Variants in SETD5 observed in about 807,000 individuals in gnomAD.
The protein encoded by SETD5 is histone-lysine N-methyltransferase SETD5.
SETD5 carries 44 observed loss-of-function variants against 153.3 expected under a neutral mutation model. The ratio of observed to expected loss-of-function variants is 0.29; its 90% CI spans 0.23 to 0.37. The LOEUF (loss-of-function observed/expected upper bound fraction) is 0.37. SETD5 is among the 10% of genes least tolerant of loss of function. The pLI is 1.00. For missense variants in SETD5, 1,544 were observed against 1,768.0 expected, an observed-to-expected ratio of 0.87 and a Z score of 2.27; for synonymous variants, 716 against 645.2, an observed-to-expected ratio of 1.11 and a Z score of -1.66.
At chr3:9,426,563 T>C (rs372784682) in intron 2 of SETD5, among the ~76,000 whole-genome samples, 2 of 152,116 alleles carry the variant, frequency 1.3e-5, no homozygotes. Context: ...CAGCTAATTT[T>C]TGTGTTTTTA....
intron 17 of SETD5, among the ~76,000 whole-genome samples, chr3:9,457,028 A>G (rs1575530461): frequency 1.3e-5 from 2 of 150,124 alleles, no homozygotes; most frequent in African/African-American, 5.0e-5. Context: ...GAGAAAAGAA[A>G]AGAAGAAAGA....
intron 2 of SETD5, among the ~76,000 whole-genome samples, chr3:9,425,188 A>G (rs972630181): frequency 6.6e-6 from 1 of 150,848 alleles, no homozygotes; most frequent in African/African-American, 2.4e-5. Flanking sequence ...CAGCCTCCCA[A>G]GTAGCTGGGA....
Position 9,447,032 on chromosome 3 carries a change from A to G in SETD5, c.1525-18A>G, listed in dbSNP as rs747474943. ...CTCATTTGAAGCTTCCTTCTACACC[A>G]GTACTATCTCTTTCTAGACCAGGGA... On this transcript the variant is annotated intron_variant, in intron 13 of 22. Transcript: ENST00000402198. 2 of 1,589,592 alleles carry G rather than the reference A, an allele frequency of 1.3e-6. No individual in the cohort carries two copies. The highest frequency in any genetic ancestry group is 1.7e-6 in the Non-Finnish European group (2 of 1,168,154).
chr3:9,432,982 A>C (rs562231066), intron 3 of SETD5, among the ~76,000 whole-genome samples: 4 of 152,230 alleles, frequency 2.6e-5, no homozygotes, highest in Non-Finnish European at 5.9e-5. Context: ...TAGCTGTGTC[A>C]GTGTGTAACC....
At position 9,445,715 on chromosome 3, in the gene SETD5, A is replaced by C. The variant is rs749448832; in HGVS notation, c.1499A>C (p.Gln500Pro). 2.5e-6 allele frequency: 4 copies of C among 1,613,386 alleles called. No homozygotes were observed. The highest frequency in any genetic ancestry group is 4.5e-5 in the East Asian group (2 of 44,870). ...GAGAAAGAAGAGGTTATAGATGACC[A>C]GGAGAACCTAGCTCATAGCAGGAGG... ...EEEKEEVIDD[Q>P]ENLAHSRRTR... is the part of the protein sequence containing the mutation. Residue 500 changes from glutamine to proline, a missense_variant, in exon 13 of 23, where the codon CAG becomes CCG. Physicochemically the swap from Gln to Pro is moderately conservative, Grantham distance 76. Around this residue, in one of 9 missense-constraint regions of SETD5, gnomAD observed 782 missense variants for 787.2 expected, o/e 0.99. Coordinates refer to ENST00000402198, the MANE Select transcript of SETD5 (RefSeq NM_001080517.3).
intron 1 of SETD5, among the ~76,000 whole-genome samples, chr3:9,403,265 A>G (rs1386306639): frequency 6.6e-6 from 1 of 152,212 alleles, no homozygotes; most frequent in Non-Finnish European, 1.5e-5. Context: ...AAATAAAAAA[A>G]TAAATAAAGC....
At chr3:9,436,120 C>T (rs1378080232) in intron 7 of SETD5, among the ~76,000 whole-genome samples, 1 of 152,172 alleles carries the variant, frequency 6.6e-6, no homozygotes, top group Admixed American at 6.5e-5. Context: ...AAAGTTTCTT[C>T]TACTCCAGTC....
In SETD5 at chr3:9,434,399, C is replaced by T; in HGVS notation, c.243C>T (p.Ser81=). The change falls in exon 5 of 23, where the codon AGC becomes AGT. Residue 81 remains serine (S), a synonymous_variant. Coordinates refer to ENST00000402198, the MANE Select transcript of SETD5 (RefSeq NM_001080517.3). This position sits in a 1 kb window ranked among gnomAD's most constrained non-coding sequence, Gnocchi z 5.6. ...PSPVEERCGD[S]PNSEGETVPT... Reference sequence around the variant, plus strand: ...CTGTAGAGGAACGCTGTGGAGACAGCCCGAACTCTGAAGGAGAAACTGTAC... The same window carrying T: ...CTGTAGAGGAACGCTGTGGAGACAGTCCGAACTCTGAAGGAGAAACTGTAC... The T allele has an allele frequency of 6.2e-7, 1 of 1,613,948 alleles. No homozygotes were observed. Among genetic ancestry groups the T allele is most frequent in the Non-Finnish European group, 8.5e-7 (1 of 1,179,878 alleles).
intron 1 of SETD5, among the ~76,000 whole-genome samples, chr3:9,401,820 T>C (rs1309392171): frequency 6.6e-6 from 1 of 152,246 alleles, no homozygotes; most frequent in Non-Finnish European, 1.5e-5. Flanking sequence ...TTTATAAAAA[T>C]TGTATTTCAA....
chr3:9,476,094 C>T lies in SETD5; in HGVS notation c.*3C>T. 6.2e-7 allele frequency: 1 copy of T among 1,610,594 alleles called. No homozygotes were observed. The highest frequency in any genetic ancestry group is 2.2e-5 in the East Asian group (1 of 44,778). On this transcript the variant is annotated 3_prime_UTR_variant, in exon 23 of 23. Coordinates refer to ENST00000402198, the MANE Select transcript of SETD5 (RefSeq NM_001080517.3). ...AGACTCAGACGGGACTTTCCTAGGG[C>T]TTCTGGATTTGGGCAAACAGAACTG...
rs1466243674 is a variant in SETD5, at chr3:9,428,868, C to G, written c.-71C>G. ...TGTTGGATGAGGCTCTGCAGCTCACCCCCACTCTCAGAGTGGTCAGTCTCC... is the reference window on the plus strand; with the variant it reads ...TGTTGGATGAGGCTCTGCAGCTCACGCCCACTCTCAGAGTGGTCAGTCTCC... On this transcript the variant is annotated 5_prime_UTR_variant, in exon 3 of 23. Coordinates refer to ENST00000402198, the MANE Select transcript of SETD5 (RefSeq NM_001080517.3). 4 of 1,100,796 alleles carry G rather than the reference C, an allele frequency of 3.6e-6. No homozygotes were observed. The highest frequency in any genetic ancestry group is 5.4e-6 in the Non-Finnish European group (4 of 739,934). 68.2% of individuals were successfully genotyped at this position (1,100,796 alleles called of 1,614,324 possible).
chr3:9,439,222 T>C (rs2596937), intron 7 of SETD5, among the ~76,000 whole-genome samples: 40,108 of 152,114 alleles, frequency 0.26, 6,069 homozygotes, highest in African/African-American at 0.42. Context: ...GTATGTTGGC[T>C]TTAGGTGTTT....
At chr3:9,459,100 A>T (rs953349055) in intron 17 of SETD5, among the ~76,000 whole-genome samples, 3 of 152,172 alleles carry the variant, frequency 2.0e-5, no homozygotes, top group Non-Finnish European at 2.9e-5. Context: ...CCCTGTAAAA[A>T]GTTGTCAGAT....
intron 22 of SETD5, 55 bp downstream of exon 22, chr3:9,475,211 T>C (rs1559498073): frequency 3.4e-6 from 5 of 1,492,068 alleles, no homozygotes; most frequent in South Asian, 1.2e-5. Flanking sequence ...GGGTCCCAAA[T>C]TGTCCTGGTC....
intron 1 of SETD5, among the ~76,000 whole-genome samples, chr3:9,405,229 ATT>A (rs2035467487): frequency 1.3e-5 from 2 of 152,192 alleles, no homozygotes; most frequent in African/African-American, 4.8e-5. Context: ...GTTCACAGTC[ATT>A]ATTACCACCA....
rs377349853 is a variant in SETD5, at chr3:9,474,499, A to G, written c.3548A>G (p.Lys1183Arg). Residue 1183 changes from lysine to arginine, a missense_variant, in exon 21 of 23, where the codon AAG (lysine) becomes AGG (arginine). By Grantham distance (26) the Lys-to-Arg change is conservative. Around this residue, in one of 9 missense-constraint regions of SETD5, gnomAD observed 38 missense variants for 71.4 expected, o/e 0.53. Transcript: ENST00000402198. ...ERLREGGSIP[K>R]VLRSSVRVAQ... ...CTCCGAGAAGGAGGGAGCATCCCCA[A>G]GGTCCTCCGAAGCAGCGTGAGGGTG... is the stretch of plus-strand genomic sequence containing the variant. 1.4e-5 allele frequency: 22 copies of G among 1,613,774 alleles called. No individual in the cohort carries two copies. Among genetic ancestry groups the G allele is most frequent in the East Asian group, 4.5e-5 (2 of 44,892 alleles).
intron 1 of SETD5, among the ~76,000 whole-genome samples, chr3:9,406,689 T>A (rs2035758291): frequency 6.6e-6 from 1 of 152,198 alleles, no homozygotes; most frequent in Non-Finnish European, 1.5e-5. Context: ...TGCTATTTTT[T>A]CCTAGACAAA....
At chr3:9,432,223 A>C (rs1322030332) in intron 3 of SETD5, 2 of 911,328 alleles carry the variant, frequency 2.2e-6, no homozygotes, top group African/African-American at 3.6e-5. Context: ...CATGCACCTC[A>C]CTAACAGAGA....
At chr3:9,400,389 A>G (rs1438050711) in intron 1 of SETD5, among the ~76,000 whole-genome samples, 1 of 152,208 alleles carries the variant, frequency 6.6e-6, no homozygotes, top group Non-Finnish European at 1.5e-5. Context: ...GGAAGAAAAT[A>G]ACAGGAATTT....
Sources: gnomAD v4.1 joint callset for allele counts (sites outside exome capture counted in the v4.1 genomes callset) on GRCh38, gnomAD v4.1.1 for gene constraint, gnomAD v4.1.1 regional missense constraint, Gnocchi (gnomAD v3.1) non-coding constraint, MANE v1.5 for transcripts, NCBI Gene and HGNC (gene_info 2026-07-23, HGNC 2026-07-21) for gene names.